PDE4D: variants seen among roughly 807,000 people sequenced by gnomAD.
PDE4D encodes the protein phosphodiesterase 4D, also known as 3',5'-cyclic-AMP phosphodiesterase 4D.
In PDE4D, 24 loss-of-function variants were observed where a neutral mutation model predicts 87.4. That is an observed-to-expected ratio of 0.27 (90% CI 0.20 to 0.39). PDE4D has a LOEUF of 0.39. PDE4D is among the 10% of genes least tolerant of loss of function. The pLI is 1.00. For synonymous variants in PDE4D, 384 were observed against 383.2 expected, an observed-to-expected ratio of 1.00 and a Z score of -0.02; for missense variants, 714 against 1,041.0, an observed-to-expected ratio of 0.69 and a Z score of 4.32.
At chr5:59,062,160 A>G (rs1763226068) in intron 5 of PDE4D, among the ~76,000 whole-genome samples, 1 of 152,154 alleles carries the variant, frequency 6.6e-6, no homozygotes, top group South Asian at 2.1e-4. Flanking sequence ...GAAAGACAAG[A>G]TTCTCTGGCT....
intron 1 of PDE4D, among the ~76,000 whole-genome samples, chr5:59,574,290 T>A (rs1289816618): frequency 6.7e-6 from 1 of 149,888 alleles, no homozygotes; most frequent in African/African-American, 2.5e-5. Flanking sequence ...AGTAGGAACA[T>A]CATACCTTAT....
At chr5:60,510,228 T>G (rs2150254623) in intron 1 of PDE4D, among the ~76,000 whole-genome samples, 1 of 152,268 alleles carries the variant, frequency 6.6e-6, no homozygotes, top group African/African-American at 2.4e-5. Flanking sequence ...GCAATAATTC[T>G]CAGCAGCCCA....
chr5:59,941,717 C>T (rs553028734), intron 3 of PDE4D, among the ~76,000 whole-genome samples: 1 of 152,350 alleles, frequency 6.6e-6, no homozygotes, highest in Admixed American at 6.5e-5. Flanking sequence ...GAAACTCCCA[C>T]TCTAGGAGCT....
At chr5:60,339,215 CTT>C (rs1758092500) in intron 1 of PDE4D, among the ~76,000 whole-genome samples, 1 of 152,004 alleles carries the variant, frequency 6.6e-6, no homozygotes, top group African/African-American at 2.4e-5. Context: ...AAACTTTCAC[CTT>C]TTAGCTTAAA....
At chr5:60,388,124 C>A (rs766882377) in intron 1 of PDE4D, among the ~76,000 whole-genome samples, 3 of 152,058 alleles carry the variant, frequency 2.0e-5, no homozygotes, top group Non-Finnish European at 4.4e-5. Flanking sequence ...GTAGATGCAC[C>A]ACCCTCCAAG....
chr5:59,330,457 A>G (rs1161587097), intron 1 of PDE4D, among the ~76,000 whole-genome samples: 2 of 152,092 alleles, frequency 1.3e-5, no homozygotes, highest in Admixed American at 6.6e-5. Flanking sequence ...AGAGAAGGGT[A>G]AAAGTCTTCA....
chr5:59,146,200 T>TA (rs1444291180), intron 5 of PDE4D, among the ~76,000 whole-genome samples: 1 of 152,100 alleles, frequency 6.6e-6, no homozygotes, highest in African/African-American at 2.4e-5. Context: ...TAAAAAAAAA[T>TA]ATACACATAA....
At chr5:60,243,360 T>C (rs977975878) in intron 1 of PDE4D, among the ~76,000 whole-genome samples, 3 of 151,980 alleles carry the variant, frequency 2.0e-5, no homozygotes, top group African/African-American at 7.2e-5. Context: ...GCTGTGTACC[T>C]GATGGCTTCA....
intron 1 of PDE4D, among the ~76,000 whole-genome samples, chr5:60,279,866 G>C (rs1751727726): frequency 6.6e-6 from 1 of 151,918 alleles, no homozygotes; most frequent in Non-Finnish European, 1.5e-5. Flanking sequence ...GTTTTTAGTA[G>C]AGATGGGGTT....
intron 3 of PDE4D, among the ~76,000 whole-genome samples, chr5:59,968,273 T>C (rs898795520): frequency 6.6e-6 from 1 of 151,926 alleles, no homozygotes; most frequent in Admixed American, 6.6e-5. Context: ...TGTGAGCCAC[T>C]GCGCCCGGCC....
chr5:60,416,345 A>G (rs10056638), intron 1 of PDE4D, among the ~76,000 whole-genome samples: 45,809 of 151,592 alleles, frequency 0.3, 8,506 homozygotes, highest in African/African-American at 0.53. Flanking sequence ...TCCACACTGT[A>G]GAAGCTTTGT....
intron 1 of PDE4D, among the ~76,000 whole-genome samples, chr5:59,886,802 G>A (rs1367766731): frequency 6.6e-6 from 1 of 152,014 alleles, no homozygotes; most frequent in Non-Finnish European, 1.5e-5. Flanking sequence ...CTTTCTGCAA[G>A]AAAGACCGAC....
chr5:60,450,760 T>C (rs1475463581), intron 1 of PDE4D, among the ~76,000 whole-genome samples: 4 of 152,104 alleles, frequency 2.6e-5, no homozygotes, highest in Admixed American at 6.6e-5. Context: ...TAATTGGCCA[T>C]ATACATGGTG....
chr5:60,089,865 A>G (rs1774936039), intron 2 of PDE4D, among the ~76,000 whole-genome samples: 1 of 151,884 alleles, frequency 6.6e-6, no homozygotes, highest in African/African-American at 2.4e-5. Context: ...AATACAAAAA[A>G]AAAAGCAACA....
chr5:59,058,876 G>A (rs369122332), intron 5 of PDE4D, among the ~76,000 whole-genome samples: 1 of 152,158 alleles, frequency 6.6e-6, no homozygotes, highest in African/African-American at 2.4e-5. Flanking sequence ...ATCCCTAAAT[G>A]TACTGAAGTC....
chr5:59,037,624 T>A (rs527683835), intron 6 of PDE4D, among the ~76,000 whole-genome samples: 15 of 152,310 alleles, frequency 9.8e-5, no homozygotes, highest in Non-Finnish European at 2.1e-4. Context: ...ATCATCAGTG[T>A]GGACATGGGT....
At chr5:59,457,484 T>G (rs1461473126) in intron 1 of PDE4D, among the ~76,000 whole-genome samples, 1 of 152,248 alleles carries the variant, frequency 6.6e-6, no homozygotes, top group Non-Finnish European at 1.5e-5. Flanking sequence ...ATATTCACTT[T>G]ATTTTGGTCA....
At chr5:59,721,457 C>A (rs1755818908) in intron 1 of PDE4D, among the ~76,000 whole-genome samples, 1 of 152,082 alleles carries the variant, frequency 6.6e-6, no homozygotes, top group African/African-American at 2.4e-5. Flanking sequence ...TGCTTATGTG[C>A]TAGGGACTAC....
At chr5:59,214,189 A>G (rs1279641199) in intron 2 of PDE4D, among the ~76,000 whole-genome samples, 1 of 152,086 alleles carries the variant, frequency 6.6e-6, no homozygotes, top group East Asian at 1.9e-4. Flanking sequence ...GAATTTCGAC[A>G]TGAAATACTT....
Sources: allele counts gnomAD v4.1 joint callset (sites outside exome capture counted in the v4.1 genomes callset), GRCh38; gene constraint gnomAD v4.1.1; transcripts MANE v1.5; gene names NCBI Gene and HGNC (gene_info 2026-07-23, HGNC 2026-07-21).